Variants in SLC9A2 observed in about 807,000 individuals in gnomAD.
SLC9A2 encodes sodium/hydrogen exchanger 2.
A neutral mutation model predicts 71.7 loss-of-function variants in SLC9A2; 42 were observed. That is an observed-to-expected ratio of 0.59 (90% CI 0.46 to 0.76). The LOEUF (loss-of-function observed/expected upper bound fraction) is 0.76, where lower values mean the gene tolerates loss of function less well. SLC9A2 is among the 30% of genes least tolerant of loss of function. The pLI is 0.00. For synonymous variants in SLC9A2, 396 were observed against 392.5 expected, an observed-to-expected ratio of 1.01 and a Z score of -0.10; for missense variants, 829 against 1,017.4, an observed-to-expected ratio of 0.81 and a Z score of 2.52.
intron 3 of SLC9A2, among the ~76,000 whole-genome samples, chr2:102,674,734 C>A (rs555759322): frequency 7.2e-4 from 109 of 152,262 alleles, no homozygotes; most frequent in Non-Finnish European, 1.4e-3. Flanking sequence ...CTGGCTCATG[C>A]GAATAAATAC....
At chr2:102,683,071 A>G (rs755448517) in intron 3 of SLC9A2, among the ~76,000 whole-genome samples, 190 bp from the exon 4 acceptor site, 2 of 152,178 alleles carry the variant, frequency 1.3e-5, no homozygotes, top group Non-Finnish European at 2.9e-5. Flanking sequence ...AGGGTTGCTA[A>G]AGAAGACCTC....
At chr2:102,642,610 G>A (rs560445936) in intron 1 of SLC9A2, among the ~76,000 whole-genome samples, 1 of 152,136 alleles carries the variant, frequency 6.6e-6, no homozygotes, top group South Asian at 2.1e-4. Flanking sequence ...AAAGGGTATT[G>A]GTCTGTTGTT....
Position 102,619,923 on chromosome 2 carries a change from G to A in SLC9A2, c.75G>A (p.Val25=), listed in dbSNP as rs1207708626. The A allele has an allele frequency of 1.9e-6, 3 of 1,603,726 alleles. No individual in the cohort carries two copies. In the African/African-American group the frequency reaches 4.0e-5, roughly 21 times the overall value. Residue 25 remains valine (V), a synonymous_variant, in exon 1 of 12, where the codon GTG becomes GTA. Transcript: ENST00000233969. This position sits in a 1 kb window ranked among gnomAD's most constrained non-coding sequence, Gnocchi z 4.3. The part of the protein sequence containing the change: ...PPMLLLLLLQ[V]AGPVGALAET... The stretch of plus-strand genomic sequence containing the variant: ...TGCTGTTGCTGCTGCTCCTGCAGGT[G>A]GCGGGGCCCGTGGGCGCCCTGGCGG...
At chr2:102,641,020 T>C (rs1213513061) in intron 1 of SLC9A2, among the ~76,000 whole-genome samples, 1 of 152,234 alleles carries the variant, frequency 6.6e-6, no homozygotes, top group African/African-American at 2.4e-5. Context: ...TTAGGGGCTC[T>C]GTGCCAGGAA....
chr2:102,684,469 T>A, intron 5 of SLC9A2, 133 bp downstream of exon 5: 1 of 840,684 alleles, frequency 1.2e-6, no homozygotes, highest in Non-Finnish European at 1.9e-6. Context: ...TGATATTTCC[T>A]GTCTGGGTTC....
intron 1 of SLC9A2, among the ~76,000 whole-genome samples, chr2:102,646,338 C>G (rs969362352): frequency 1.3e-5 from 2 of 152,162 alleles, no homozygotes; most frequent in African/African-American, 4.8e-5. Context: ...GTACAGGCCA[C>G]TGCAAAAACA....
chr2:102,679,549 T>A (rs1479683871), intron 3 of SLC9A2, among the ~76,000 whole-genome samples: 2 of 151,996 alleles, frequency 1.3e-5, no homozygotes, highest in Non-Finnish European at 2.9e-5. Flanking sequence ...ACCCAGCTAA[T>A]TTTTTTATTT....
chr2:102,700,000 T>G (rs1339121547), intron 7 of SLC9A2, among the ~76,000 whole-genome samples: 1 of 152,106 alleles, frequency 6.6e-6, no homozygotes, highest in African/African-American at 2.4e-5. Flanking sequence ...GTGGTCATAG[T>G]CTGAGCTACT....
At chr2:102,662,142 A>T (rs1677061409) in intron 2 of SLC9A2, among the ~76,000 whole-genome samples, 1 of 152,148 alleles carries the variant, frequency 6.6e-6, no homozygotes, top group African/African-American at 2.4e-5. Context: ...ATCAAAATGG[A>T]GCTTTGGCTC....
intron 2 of SLC9A2, among the ~76,000 whole-genome samples, 188 bp downstream of exon 2, chr2:102,658,215 A>G (rs893236215): frequency 1.3e-5 from 2 of 152,126 alleles, no homozygotes; most frequent in Admixed American, 6.5e-5. Flanking sequence ...ATACTTTTAA[A>G]CTTATTATTT....
intron 1 of SLC9A2, among the ~76,000 whole-genome samples, chr2:102,632,037 TACATAC>T (rs1676368916): frequency 3.3e-5 from 2 of 60,832 alleles, no homozygotes; most frequent in African/African-American, 1.3e-4. Flanking sequence ...TATATATATA[TACATAC>T]ACACACACAT....
chr2:102,642,828 C>A (rs550279125), intron 1 of SLC9A2, among the ~76,000 whole-genome samples: 1 of 152,166 alleles, frequency 6.6e-6, no homozygotes, highest in East Asian at 1.9e-4. Flanking sequence ...CAAATTTTAA[C>A]TGTTTTTGCT....
rs1678063289 is a variant in SLC9A2, at chr2:102,709,519, GAC to G, written c.*1034_*1035del. 6.6e-6 allele frequency: 1 copy of G among 152,612 alleles called. No individual in the cohort carries two copies. The highest frequency in any genetic ancestry group is 1.5e-5 in the Non-Finnish European group (1 of 68,046). The allele number at this position is 152,612 out of a possible 1,614,324, so 9.5% of individuals were successfully genotyped here. ...AAGCAGACAAAGAAGAAAGTTTGTAGACACAATATTCTAACATTGCACAAGTT... is the reference window on the plus strand; with the variant it reads ...AAGCAGACAAAGAAGAAAGTTTGTAGACAATATTCTAACATTGCACAAGTT... On this transcript the variant is annotated 3_prime_UTR_variant, in exon 12 of 12. Transcript: ENST00000233969.
At chr2:102,672,230 AATGT>A (rs1423121783) in intron 3 of SLC9A2, among the ~76,000 whole-genome samples, 3 of 152,238 alleles carry the variant, frequency 2.0e-5, no homozygotes, top group African/African-American at 7.2e-5. Context: ...TTGAAATGAC[AATGT>A]ATTAGACATG....
Position 102,665,230 on chromosome 2 carries a change from T to C in SLC9A2, c.884T>C (p.Ile295Thr), listed in dbSNP as rs377535586. The C allele has an allele frequency of 2.3e-5, 37 of 1,614,034 alleles. No homozygotes were observed. The highest frequency in any genetic ancestry group is 3.3e-4 in the Middle Eastern group (2 of 6,084). The change falls in exon 3 of 12, where the codon ATA (isoleucine) becomes ACA (threonine). Residue 295 changes from isoleucine (I) to threonine (T), a missense_variant. By Grantham distance (89) the Ile-to-Thr change is moderately conservative. Around this residue, in one of 3 missense-constraint regions of SLC9A2, gnomAD observed 500 missense variants for 726.3 expected, o/e 0.69. Transcript: ENST00000233969. ...CTGATTGGCATCTTCTTGGGCTTTA[T>C]AGCGGCATTTACTACTCGATTCACC... ...GVLIGIFLGF[I>T]AAFTTRFTHN...
At chr2:102,706,948 T>C (rs1025034873) in intron 11 of SLC9A2, among the ~76,000 whole-genome samples, 3 of 152,214 alleles carry the variant, frequency 2.0e-5, no homozygotes, top group African/African-American at 7.2e-5. Flanking sequence ...TATATTAGGA[T>C]TTCATGTTAT....
intron 1 of SLC9A2, among the ~76,000 whole-genome samples, chr2:102,624,142 G>C (rs955798539): frequency 1.3e-5 from 2 of 152,154 alleles, no homozygotes; most frequent in South Asian, 2.1e-4. Flanking sequence ...TGATGGTAAA[G>C]ATGATGATGA....
At chr2:102,624,153 G>A (rs913340405) in intron 1 of SLC9A2, among the ~76,000 whole-genome samples, 1 of 152,116 alleles carries the variant, frequency 6.6e-6, no homozygotes, top group African/African-American at 2.4e-5. Context: ...ATGATGATGA[G>A]TATGTGCTTA....
intron 2 of SLC9A2, among the ~76,000 whole-genome samples, chr2:102,664,331 G>A (rs1278948675): frequency 1.3e-5 from 2 of 150,972 alleles, no homozygotes; most frequent in Admixed American, 6.6e-5. Flanking sequence ...TTTTGCTGAT[G>A]TACCTTCCCA....
Sources: gnomAD v4.1 joint callset for allele counts (sites outside exome capture counted in the v4.1 genomes callset) on GRCh38, gnomAD v4.1.1 for gene constraint, gnomAD v4.1.1 regional missense constraint, Gnocchi (gnomAD v3.1) non-coding constraint, MANE v1.5 for transcripts, NCBI Gene and HGNC (gene_info 2026-07-23, HGNC 2026-07-21) for gene names.